The following TBC1D9 variants were observed in gnomAD, a reference collection of about 807,000 sequenced individuals.
TBC1D9 encodes the protein TBC1 domain family member 9.
A neutral mutation model predicts 132.0 loss-of-function variants in TBC1D9; 63 were observed. The ratio of observed to expected loss-of-function variants is 0.48; its 90% CI spans 0.39 to 0.59. The LOEUF (loss-of-function observed/expected upper bound fraction) is 0.59. Ranked by LOEUF, TBC1D9 falls within the 20% of genes least tolerant of loss-of-function variation. The probability of loss-of-function intolerance (pLI) is 0.00; values close to 1 mark genes in which losing one functional copy is unlikely to be tolerated. For synonymous variants in TBC1D9, 610 were observed against 609.9 expected, an observed-to-expected ratio of 1.00 and a Z score of 0.00; for missense variants, 1,261 against 1,592.7, an observed-to-expected ratio of 0.79 and a Z score of 3.54.
intron 9 of TBC1D9, among the ~76,000 whole-genome samples, chr4:140,664,242 G>A (rs999061222): frequency 2.6e-5 from 4 of 151,976 alleles, no homozygotes; most frequent in Non-Finnish European, 5.9e-5. Flanking sequence ...CATGAAGGCT[G>A]CAGGATACAA....
chr4:140,711,964 T>C (rs1738250739), intron 1 of TBC1D9, among the ~76,000 whole-genome samples: 1 of 152,198 alleles, frequency 6.6e-6, no homozygotes, highest in African/African-American at 2.4e-5. Context: ...ATTCAATACA[T>C]TTATGATGAG....
intron 18 of TBC1D9, among the ~76,000 whole-genome samples, 162 bp downstream of exon 18, chr4:140,627,279 A>C (rs1160535855): frequency 6.6e-6 from 1 of 152,218 alleles, no homozygotes; most frequent in Admixed American, 6.5e-5. Flanking sequence ...CCTACTGCCC[A>C]ATAGTTGCCT....
chr4:140,730,617 T>A (rs953572615), intron 1 of TBC1D9, among the ~76,000 whole-genome samples: 52 of 151,864 alleles, frequency 3.4e-4, no homozygotes, highest in Admixed American at 3.4e-3. Context: ...TCCCAGCTAC[T>A]CAAAAGGATG....
At chr4:140,713,766 A>T in intron 1 of TBC1D9, among the ~76,000 whole-genome samples, 1 of 150,526 alleles carries the variant, frequency 6.6e-6, no homozygotes, top group Non-Finnish European at 1.5e-5. Context: ...AAAAAACTAT[A>T]TTTTTTAAAG....
At chr4:140,753,064 G>A (rs1738950335) in intron 1 of TBC1D9, among the ~76,000 whole-genome samples, 1 of 152,032 alleles carries the variant, frequency 6.6e-6, no homozygotes, top group Admixed American at 6.6e-5. Context: ...TCAGTTCTAA[G>A]CTCAAGCGTC....
chr4:140,743,228 A>C (rs2111080125), intron 1 of TBC1D9, among the ~76,000 whole-genome samples: 1 of 152,196 alleles, frequency 6.6e-6, no homozygotes, highest in East Asian at 1.9e-4. Flanking sequence ...AAACTGCAGA[A>C]CTCTTCCATT....
intron 1 of TBC1D9, among the ~76,000 whole-genome samples, chr4:140,707,944 C>CCTTG (rs1738173180): frequency 6.6e-6 from 1 of 151,958 alleles, no homozygotes; most frequent in South Asian, 2.1e-4. Flanking sequence ...ACTTATATTA[C>CCTTG]ACTAAGGTAA....
At chr4:140,724,483 T>C (rs1395902352) in intron 1 of TBC1D9, among the ~76,000 whole-genome samples, 3 of 152,134 alleles carry the variant, frequency 2.0e-5, no homozygotes, top group Admixed American at 2.0e-4. Flanking sequence ...ATACAAAATT[T>C]TGAAAGTTTT....
Position 140,679,719 on chromosome 4 carries a change from T to A in TBC1D9, c.485A>T (p.Asn162Ile), listed in dbSNP as rs750433882. Residue 162 changes from asparagine (N) to isoleucine (I), a missense_variant, in exon 4 of 21, where the codon AAC becomes ATC. Coordinates refer to ENST00000442267, the MANE Select transcript of TBC1D9 (RefSeq NM_015130.3). ...FGMPEEEKLVNYYSCSYWKGK... is the reference protein window; with the variant it reads ...FGMPEEEKLVIYYSCSYWKGK... ...CTTCCAATAGCTGCAAGAGTAATAG[T>A]TGACGAGTTTCTCTTCCTCTGGCAT... 9 of 1,613,702 alleles carry A rather than the reference T, an allele frequency of 5.6e-6. No homozygotes were observed. Among genetic ancestry groups the A allele is most frequent in the African/African-American group, 1.3e-5 (1 of 74,928 alleles).
intron 17 of TBC1D9, among the ~76,000 whole-genome samples, chr4:140,627,733 C>T: frequency 6.6e-6 from 1 of 152,148 alleles, no homozygotes; most frequent in South Asian, 2.1e-4. Context: ...TTAACAACCC[C>T]ACACCAAAGT....
chr4:140,644,901 GC>G, intron 13 of TBC1D9: 1 of 442,536 alleles, frequency 2.3e-6, no homozygotes, highest in Non-Finnish European at 4.5e-6. Context: ...ACAGCAGGGA[GC>G]CCCCAGGCTG....
At chr4:140,685,373 T>C (rs939845443) in intron 3 of TBC1D9, among the ~76,000 whole-genome samples, 17 of 152,164 alleles carry the variant, frequency 1.1e-4, no homozygotes, top group African/African-American at 4.1e-4. Context: ...GGACACAGGA[T>C]CACCTATGCA....
chr4:140,753,048 CT>C (rs1456879463), intron 1 of TBC1D9, among the ~76,000 whole-genome samples: 2 of 152,114 alleles, frequency 1.3e-5, no homozygotes, highest in Non-Finnish European at 2.9e-5. Flanking sequence ...AGATCTTTTT[CT>C]TTCTTCAGTT....
At chr4:140,721,307 C>T (rs1017476708) in intron 1 of TBC1D9, among the ~76,000 whole-genome samples, 22 of 152,288 alleles carry the variant, frequency 1.4e-4, no homozygotes, top group Admixed American at 1.4e-3. Flanking sequence ...ACAGTGGTGA[C>T]CTTACGCCAG....
At position 140,686,370 on chromosome 4, in the gene TBC1D9, T is replaced by G. The variant is rs1279854110; in HGVS notation, c.334A>C (p.Thr112Pro). The change falls in exon 3 of 21, where the codon ACC (threonine) becomes CCC (proline). Residue 112 changes from threonine (T) to proline (P), a missense_variant. By Grantham distance (38) the Thr-to-Pro change is conservative. This residue lies in a region of TBC1D9 where 550 missense variants were observed against 699.0 expected (regional missense o/e 0.79). Coordinates refer to ENST00000442267, the MANE Select transcript of TBC1D9 (RefSeq NM_015130.3). ...TGTATTTTTCCTCTCACAAATGTGG[T>G]GATATCATTCTCATTTTCAAAGATG... ...LSIFENENDI[T>P]TFVRGKIQGI... is the part of the protein sequence containing the mutation. 1.2e-6 allele frequency: 2 copies of G among 1,605,090 alleles called. No individual in the cohort carries two copies. Among genetic ancestry groups the G allele is most frequent in the Admixed American group, 1.7e-5 (1 of 59,792 alleles).
chr4:140,755,902 G>T lies in TBC1D9; in HGVS notation c.130+14C>A. 1 of 1,538,632 alleles carries T rather than the reference G, an allele frequency of 6.5e-7. No homozygotes were observed. ...CCCGGCTCCCCTCCTGCAGGGATCG[G>T]CCACGGTCCTTACCCGCCAGTCCGC... On this transcript the variant is annotated intron_variant, in intron 1 of 20. Coordinates refer to ENST00000442267, the MANE Select transcript of TBC1D9 (RefSeq NM_015130.3).
rs768970337 is a variant in TBC1D9, at chr4:140,634,021, G to C, written c.2673C>G (p.Ala891=). Residue 891 remains alanine, a synonymous_variant, in exon 16 of 21, where the codon GCC becomes GCG. Transcript: ENST00000442267. ...CATCTAATAACTGGAACAAGCGGGA[G>C]GCCAGAACGTCAGAGTGAGTTCCAC... is the stretch of plus-strand genomic sequence containing the variant. The part of the protein sequence containing the change: ...WACGTHSDVL[A]SRLFQLLDEN... 1.9e-6 allele frequency: 3 copies of C among 1,613,968 alleles called. No homozygotes were observed. The South Asian group carries it at 3.3e-5, about 18-fold the overall frequency.
At chr4:140,729,795 G>C (rs1023660988) in intron 1 of TBC1D9, among the ~76,000 whole-genome samples, 1 of 117,072 alleles carries the variant, frequency 8.5e-6, no homozygotes, top group African/African-American at 3.4e-5. Context: ...ACTCCAGCCT[G>C]GTGACAGAGC....
rs142043153 is a variant in TBC1D9 at position 140,654,941 on chromosome 4, A to G, written c.2337+2156T>C. Among the ~76,000 whole-genome samples, 33 of 152,280 alleles carry G rather than the reference A, an allele frequency of 2.2e-4. No homozygotes were observed. The East Asian group carries it at 4.2e-3, about 20-fold the overall frequency. ...TGCTATATAATACTGAAAATTTGGA[A>G]GAAATCGAAGTAAATGTCTAACAAA... is the stretch of plus-strand genomic sequence containing the variant. On this transcript the variant is annotated intron_variant, in intron 13 of 20. Transcript: ENST00000442267.
Sources: gnomAD v4.1 joint callset for allele counts (sites outside exome capture counted in the v4.1 genomes callset) on GRCh38, gnomAD v4.1.1 for gene constraint, gnomAD v4.1.1 regional missense constraint, MANE v1.5 for transcripts, NCBI Gene and HGNC (gene_info 2026-07-23, HGNC 2026-07-21) for gene names.